ELL2: variants seen among roughly 807,000 people sequenced by gnomAD.
The protein encoded by ELL2 is elongation factor for RNA polymerase II 2.
Under a neutral mutation model 72.8 loss-of-function variants are expected in ELL2, and 21 were observed. The observed-to-expected ratio is 0.29, with a 90% CI of 0.20 to 0.42. The LOEUF (loss-of-function observed/expected upper bound fraction) is 0.42. Ranked by LOEUF, ELL2 falls within the 10% of genes least tolerant of loss-of-function variation. ELL2 has a pLI of 1.00. For missense variants in ELL2, 568 were observed against 772.8 expected (o/e 0.73, Z 3.14); for synonymous variants, 266 against 283.2 (o/e 0.94, Z 0.61).
chr5:95,926,912 T>C (rs11742959), intron 2 of ELL2, among the ~76,000 whole-genome samples: 27,101 of 152,144 alleles, frequency 0.18, 2,612 homozygotes, highest in East Asian at 0.34. Flanking sequence ...ACTCAGTTGC[T>C]ATATAACTGA....
intron 2 of ELL2, among the ~76,000 whole-genome samples, chr5:95,937,482 C>T (rs1033172068): frequency 4.1e-5 from 6 of 146,832 alleles, no homozygotes; most frequent in East Asian, 2.0e-4. Context: ...CTAGCCTGGG[C>T]GACAGAGCAA....
At chr5:95,906,382 T>C (rs1046672430) in intron 5 of ELL2, 141 bp downstream of exon 5, 3 of 761,660 alleles carry the variant, frequency 3.9e-6, no homozygotes, top group Non-Finnish European at 5.8e-6. Context: ...TATTCAGGAG[T>C]TGTATTTCAC....
Position 95,913,776 on chromosome 5 carries a change from T to C in ELL2, c.476A>G (p.Tyr159Cys). 1 of 1,607,078 alleles carries C rather than the reference T, an allele frequency of 6.2e-7. No individual in the cohort carries two copies. The highest frequency in any genetic ancestry group is 8.5e-7 in the Non-Finnish European group (1 of 1,177,160). Residue 159 changes from tyrosine to cysteine, a missense_variant, in exon 4 of 12, where the codon TAT becomes TGT. By Grantham distance (194) the Tyr-to-Cys change is radical. Transcript: ENST00000237853. ...STKVIKPGGP[Y>C]VGKRVQIRKA... ...AGAAAGATATCTATACAAACCTACA[T>C]ATGGTCCACCGGGTTTGATAACTTT...
At position 95,900,768 on chromosome 5, in the gene ELL2, C is replaced by A; in HGVS notation, c.879G>T (p.Pro293=). Residue 293 remains proline (P), a synonymous_variant, in exon 7 of 12, where the codon CCG becomes CCT. Transcript: ENST00000237853. The stretch of plus-strand genomic sequence containing the variant: ...GGCTGGTGCCTGCAGCATTCTGAGA[C>A]GGATTTAGTTTTCTGTAAAGGACAC... ...LESVLSRKLN[P]SQNAAGTSRS... 1 of 1,606,800 alleles carries A rather than the reference C, an allele frequency of 6.2e-7. No individual in the cohort carries two copies. Among genetic ancestry groups the A allele is most frequent in the Non-Finnish European group, 8.5e-7 (1 of 1,177,450 alleles).
At chr5:95,927,785 A>ATAGACATACACACACACATATGTGTG (rs1750440074) in intron 2 of ELL2, among the ~76,000 whole-genome samples, 1 of 105,086 alleles carries the variant, frequency 9.5e-6, no homozygotes, top group African/African-American at 5.7e-5. Flanking sequence ...ATATGTGTGT[A>ATAGACATACACACACACATATGTGTG]TATAGACATA....
intron 7 of ELL2, 27 bp downstream of exon 7, chr5:95,900,666 G>C (rs373407332): frequency 6.6e-7 from 1 of 1,503,988 alleles, no homozygotes; most frequent in East Asian, 2.3e-5. Flanking sequence ...TCTATGTCAG[G>C]TCTATAATTC....
At chr5:95,953,131 C>A (rs947155636) in intron 1 of ELL2, among the ~76,000 whole-genome samples, 3 of 152,200 alleles carry the variant, frequency 2.0e-5, no homozygotes, top group African/African-American at 7.2e-5. Flanking sequence ...TCTCTTTGAA[C>A]ACAGACTTTA....
chr5:95,944,352 C>T (rs1751077730), intron 1 of ELL2, among the ~76,000 whole-genome samples: 1 of 152,210 alleles, frequency 6.6e-6, no homozygotes, highest in African/African-American at 2.4e-5. Flanking sequence ...TGTTCTACTA[C>T]CATAAAAGAT....
At chr5:95,928,863 A>T (rs1348161331) in intron 2 of ELL2, among the ~76,000 whole-genome samples, 1 of 152,202 alleles carries the variant, frequency 6.6e-6, no homozygotes, top group Non-Finnish European at 1.5e-5. Context: ...ACTTATGAGT[A>T]GTAGATGTAA....
Position 95,886,288 on chromosome 5 carries a change from T to C in ELL2, c.*2583A>G, listed in dbSNP as rs1327951334. 1.3e-5 allele frequency: 2 copies of C among 152,184 alleles called. No individual in the cohort carries two copies. Among genetic ancestry groups the C allele is most frequent in the Admixed American group, 6.6e-5 (1 of 15,264 alleles). The allele number at this position is 152,184 out of a possible 1,614,324, so 9.4% of individuals were successfully genotyped here. A position where few individuals can be genotyped will look rare whatever the true frequency, so the allele number is the denominator to read the frequency against. Reference sequence around the variant, plus strand: ...GCCTCATCTTCAAAAGGGATGAAACTTGGATAGTAGCAGATTCAGAGATTT... The same window carrying C: ...GCCTCATCTTCAAAAGGGATGAAACCTGGATAGTAGCAGATTCAGAGATTT... On this transcript the variant is annotated 3_prime_UTR_variant, in exon 12 of 12. Coordinates refer to ENST00000237853, the MANE Select transcript of ELL2 (RefSeq NM_012081.6).
At chr5:95,932,258 G>A (rs1467223755) in intron 2 of ELL2, among the ~76,000 whole-genome samples, 1 of 152,138 alleles carries the variant, frequency 6.6e-6, no homozygotes, top group Non-Finnish European at 1.5e-5. Context: ...AGAGACTACA[G>A]TTCTGATTTC....
At position 95,961,851 on chromosome 5, in the gene ELL2, T is replaced by C; in HGVS notation, c.-130A>G. On this transcript the variant is annotated 5_prime_UTR_variant, in exon 1 of 12. Coordinates refer to ENST00000237853, the MANE Select transcript of ELL2 (RefSeq NM_012081.6). ...CCGCTGCTGACGTACTGTCATATAC[T>C]GCGCGGAGCCAGACCTCGGACTGCC... 1 of 1,222,590 alleles carries C rather than the reference T, an allele frequency of 8.2e-7. No individual in the cohort carries two copies. Among genetic ancestry groups the C allele is most frequent in the Non-Finnish European group, 1.1e-6 (1 of 930,354 alleles). 75.7% of individuals were successfully genotyped at this position (1,222,590 alleles called of 1,614,324 possible).
intron 1 of ELL2, among the ~76,000 whole-genome samples, chr5:95,960,936 G>A (rs1315654136): frequency 6.6e-6 from 1 of 151,204 alleles, no homozygotes; most frequent in African/African-American, 2.4e-5. Flanking sequence ...CCCCTTACAC[G>A]GACTGCCTAA....
At chr5:95,952,110 A>C (rs546015051) in intron 1 of ELL2, among the ~76,000 whole-genome samples, 3 of 152,224 alleles carry the variant, frequency 2.0e-5, no homozygotes, top group African/African-American at 2.4e-5. Flanking sequence ...ATACCATGGA[A>C]TACAACACAG....
intron 8 of ELL2, 89 bp from the exon 9 acceptor site, chr5:95,895,780 G>T: frequency 3.9e-6 from 4 of 1,019,394 alleles, no homozygotes; most frequent in South Asian, 1.3e-5. Flanking sequence ...GAAACATCTG[G>T]AACACTTTTC....
rs1234833722 is a variant in ELL2, at chr5:95,943,059, GAAAC to G, written c.148-14_148-11del. On this transcript the variant is annotated splice_polypyrimidine_tract_variant and intron_variant, in intron 1 of 11. Transcript: ENST00000237853. ...GAAAAGGAATTAAATTCTATTAAAAGAAACAAAAGAAACAAACAGGTAAACCTTG... is the reference window on the plus strand; with the variant it reads ...GAAAAGGAATTAAATTCTATTAAAAGAAAAGAAACAAACAGGTAAACCTTG... 3.1e-6 allele frequency: 5 copies of G among 1,594,706 alleles called. No homozygotes were observed. Among genetic ancestry groups the G allele is most frequent in the Non-Finnish European group, 4.3e-6 (5 of 1,169,796 alleles).
intron 10 of ELL2, among the ~76,000 whole-genome samples, chr5:95,889,385 G>A (rs1270033075): frequency 1.3e-5 from 2 of 152,172 alleles, no homozygotes; most frequent in East Asian, 1.9e-4. Flanking sequence ...TCACTGTAGT[G>A]CTGTTTGTAA....
intron 1 of ELL2, among the ~76,000 whole-genome samples, chr5:95,960,801 C>T (rs1056163824): frequency 6.6e-6 from 1 of 152,142 alleles, no homozygotes; most frequent in Non-Finnish European, 1.5e-5. Flanking sequence ...TTGTGTCCGT[C>T]CTGGACGCGG....
chr5:95,909,118 G>A (rs1350164347), intron 4 of ELL2, among the ~76,000 whole-genome samples: 1 of 152,184 alleles, frequency 6.6e-6, no homozygotes, highest in Non-Finnish European at 1.5e-5. Context: ...AGCAGGTATG[G>A]AGAAGACAAA....
Sources: allele counts gnomAD v4.1 joint callset (sites outside exome capture counted in the v4.1 genomes callset), GRCh38; gene constraint gnomAD v4.1.1; transcripts MANE v1.5; gene names NCBI Gene and HGNC (gene_info 2026-07-23, HGNC 2026-07-21).